Variants in NRXN3 observed in about 807,000 individuals in gnomAD.
NRXN3 encodes neurexin 3.
Under a neutral mutation model 137.6 loss-of-function variants are expected in NRXN3, and 32 were observed. That is an observed-to-expected ratio of 0.23 (90% CI 0.18 to 0.31). NRXN3 has a LOEUF of 0.31. NRXN3 is among the 10% of genes least tolerant of loss of function. The pLI is 1.00. For synonymous variants in NRXN3, 798 were observed against 784.5 expected (o/e 1.02, Z -0.29); for missense variants, 1,574 against 2,062.5 (o/e 0.76, Z 4.59).
intron 15 of NRXN3, among the ~76,000 whole-genome samples, chr14:79,026,855 A>C (rs865867651): frequency 2.0e-5 from 3 of 151,410 alleles, no homozygotes; most frequent in Admixed American, 1.3e-4. Context: ...TGGCAGAGTG[A>C]AATCCAATTA....
intron 4 of NRXN3, among the ~76,000 whole-genome samples, chr14:78,416,593 T>G (rs1244680318): frequency 1.3e-5 from 2 of 152,228 alleles, no homozygotes; most frequent in Non-Finnish European, 2.9e-5. Context: ...CTCTGGTAAA[T>G]CACTTTTAGT....
chr14:78,725,640 C>A (rs947196787), intron 8 of NRXN3, among the ~76,000 whole-genome samples: 18 of 152,148 alleles, frequency 1.2e-4, no homozygotes, highest in Admixed American at 6.5e-4. Context: ...TGATGAATAA[C>A]AGTTCTGTTG....
chr14:78,885,038 A>G (rs946701527), intron 10 of NRXN3, among the ~76,000 whole-genome samples: 14 of 151,968 alleles, frequency 9.2e-5, no homozygotes, highest in Non-Finnish European at 1.0e-4. Flanking sequence ...ACTTTAATAA[A>G]CAGCAATGAT....
chr14:78,886,042 A>G (rs2099142702), intron 10 of NRXN3, among the ~76,000 whole-genome samples: 1 of 152,096 alleles, frequency 6.6e-6, no homozygotes, highest in South Asian at 2.1e-4. Context: ...GGAAATGACA[A>G]GCATCACTTT....
chr14:78,517,088 C>T (rs1023661149), intron 4 of NRXN3, among the ~76,000 whole-genome samples: 1 of 152,096 alleles, frequency 6.6e-6, no homozygotes, highest in Admixed American at 6.5e-5. Flanking sequence ...AATCTTCTTA[C>T]ATTTTTAGGC....
At chr14:79,210,539 G>T (rs1414953414) in intron 15 of NRXN3, among the ~76,000 whole-genome samples, 1 of 152,138 alleles carries the variant, frequency 6.6e-6, no homozygotes, top group Non-Finnish European at 1.5e-5. Flanking sequence ...GTGGGCAGTA[G>T]AAATTATTTC....
intron 15 of NRXN3, among the ~76,000 whole-genome samples, chr14:79,257,890 A>G (rs2153397729): frequency 6.6e-6 from 1 of 152,170 alleles, no homozygotes; most frequent in East Asian, 1.9e-4. Flanking sequence ...TTATACAATA[A>G]GGAAAATGAT....
chr14:79,126,954 T>G (rs2056612776), intron 15 of NRXN3, among the ~76,000 whole-genome samples: 5 of 152,236 alleles, frequency 3.3e-5, no homozygotes, highest in Admixed American at 3.3e-4. Flanking sequence ...CATGTGTTTT[T>G]TGGCTGCATA....
intron 3 of NRXN3, among the ~76,000 whole-genome samples, chr14:78,285,246 A>G (rs1462387152): frequency 2.0e-5 from 3 of 152,130 alleles, no homozygotes; most frequent in South Asian, 2.1e-4. Flanking sequence ...AGTAGTACCT[A>G]TGAGATATTT....
At chr14:78,905,540 G>A (rs1379437416) in intron 10 of NRXN3, among the ~76,000 whole-genome samples, 2 of 151,834 alleles carry the variant, frequency 1.3e-5, no homozygotes. Context: ...AATGATAAAA[G>A]TTGTAATGTT....
chr14:78,478,283 G>A (rs2153735764), intron 4 of NRXN3, among the ~76,000 whole-genome samples: 1 of 152,206 alleles, frequency 6.6e-6, no homozygotes, highest in Middle Eastern at 3.4e-3. Flanking sequence ...ATACTGCAGT[G>A]CACAGAGACA....
At chr14:78,769,967 A>T (rs2098721446) in intron 8 of NRXN3, among the ~76,000 whole-genome samples, 1 of 152,136 alleles carries the variant, frequency 6.6e-6, no homozygotes, top group African/African-American at 2.4e-5. Context: ...GAGAAAAAAA[A>T]AAAAGGCCGC....
chr14:79,305,062 T>C (rs2153225249), intron 15 of NRXN3, among the ~76,000 whole-genome samples: 1 of 152,210 alleles, frequency 6.6e-6, no homozygotes, highest in Non-Finnish European at 1.5e-5. Context: ...GCTCTGCTAC[T>C]TGTCAGCTAT....
intron 15 of NRXN3, among the ~76,000 whole-genome samples, chr14:79,416,237 G>A (rs541852453): frequency 4.3e-4 from 66 of 151,934 alleles, no homozygotes; most frequent in Non-Finnish European, 8.5e-4. Flanking sequence ...TTTGCTGCCT[G>A]GTCAACAAAG....
intron 2 of NRXN3, among the ~76,000 whole-genome samples, chr14:78,257,482 T>A (rs1213695575): frequency 2.0e-5 from 3 of 152,190 alleles, no homozygotes; most frequent in Non-Finnish European, 4.4e-5. Context: ...CATACCTGGG[T>A]GTGGGCGCGT....
chr14:79,005,443 C>T lies in NRXN3; in HGVS notation c.3262+17302C>T, dbSNP rs541639779. 2.6e-5 allele frequency among the ~76,000 whole-genome samples: 4 copies of T among 152,254 alleles called. No homozygotes were observed. In the South Asian group the frequency reaches 6.2e-4, roughly 24 times the overall value. Reference sequence around the variant, plus strand: ...CTACTCAATAATATCTCATTTTCTACGTTGGTAGTTAGTACTTACTCAGTA... The same window carrying T: ...CTACTCAATAATATCTCATTTTCTATGTTGGTAGTTAGTACTTACTCAGTA... On this transcript the variant is annotated intron_variant, in intron 15 of 20. Transcript: ENST00000335750.
intron 4 of NRXN3, among the ~76,000 whole-genome samples, chr14:78,503,305 A>C (rs933310609): frequency 1.3e-5 from 2 of 152,194 alleles, no homozygotes; most frequent in Admixed American, 6.5e-5. Context: ...TGGGATTTGT[A>C]GACTGCACAG....
At chr14:79,555,696 G>A (rs1414567242) in intron 16 of NRXN3, among the ~76,000 whole-genome samples, 1 of 152,090 alleles carries the variant, frequency 6.6e-6, no homozygotes, top group African/African-American at 2.4e-5. Flanking sequence ...AGGCATTCCA[G>A]GAAAAGGGAA....
At chr14:79,715,492 AT>A (rs781440642) in intron 19 of NRXN3, among the ~76,000 whole-genome samples, 12 of 152,190 alleles carry the variant, frequency 7.9e-5, no homozygotes, top group Non-Finnish European at 1.6e-4. Context: ...CTTTGTAGCC[AT>A]TTTATTCACT....
Sources: allele counts gnomAD v4.1 joint callset (sites outside exome capture counted in the v4.1 genomes callset), GRCh38; gene constraint gnomAD v4.1.1; transcripts MANE v1.5; gene names NCBI Gene and HGNC (gene_info 2026-07-23, HGNC 2026-07-21).